The following PLEKHD1 variants were observed in gnomAD, a reference collection of about 807,000 sequenced individuals.
The protein encoded by PLEKHD1 is pleckstrin homology and coiled-coil domain containing D1, also known as pleckstrin homology domain-containing family D member 1.
Under a neutral mutation model 69.2 loss-of-function variants are expected in PLEKHD1, and 51 were observed. That is an observed-to-expected ratio of 0.74 (90% CI 0.59 to 0.93). PLEKHD1 has a LOEUF of 0.93. Ranked by LOEUF, PLEKHD1 falls within the 40% of genes least tolerant of loss-of-function variation. The pLI is 0.00. For missense variants in PLEKHD1, 584 were observed against 641.0 expected, an observed-to-expected ratio of 0.91 and a Z score of 0.96; for synonymous variants, 236 against 244.7, an observed-to-expected ratio of 0.96 and a Z score of 0.33.
At position 69,484,728 on chromosome 14, in the gene PLEKHD1, G is replaced by C; in HGVS notation, c.-238G>C. The C allele has an allele frequency of 1.3e-5, 6 of 455,768 alleles. No individual in the cohort carries two copies. The highest frequency in any genetic ancestry group is 1.9e-5 in the Non-Finnish European group (5 of 257,302). The allele number at this position is 455,768 out of a possible 1,614,324, so 28.2% of individuals were successfully genotyped here. A position where few individuals can be genotyped will look rare whatever the true frequency, so the allele number is the denominator to read the frequency against. On this transcript the variant is annotated 5_prime_UTR_variant, in exon 1 of 13. Transcript: ENST00000322564. ...CCCGAGGCTGAGCCACCCTCCCCGC[G>C]GAGTTCCCGCCCGGCCCTCTGCAAT... is the stretch of plus-strand genomic sequence containing the variant.
chr14:69,526,391 G>A (rs1445327309), intron 9 of PLEKHD1, among the ~76,000 whole-genome samples: 2 of 152,330 alleles, frequency 1.3e-5, no homozygotes, highest in Non-Finnish European at 2.9e-5. Flanking sequence ...GGCTGGGCAA[G>A]TTTTTAAGCC....
At chr14:69,484,695 G>A (rs945261725), upstream of PLEKHD1, 106 of 370,350 alleles carry the variant, frequency 2.9e-4, no homozygotes, top group Non-Finnish European at 4.6e-4. Flanking sequence ...GGGAGGAGAT[G>A]CTGCCGGCCC....
In PLEKHD1 at chr14:69,522,306, G is replaced by A; in HGVS notation, c.579G>A (p.Val193=). Reference sequence around the variant, plus strand: ...AGGAGCTTGAGCGCCTTAACCAGGTGCTGGAGGCCGAGAAGCAGCAGTTCG... The same window carrying A: ...AGGAGCTTGAGCGCCTTAACCAGGTACTGGAGGCCGAGAAGCAGCAGTTCG... ...QREELERLNQ[V]LEAEKQQFEE... Residue 193 remains valine (V), a synonymous_variant, in exon 7 of 13, where the codon GTG becomes GTA. Transcript: ENST00000322564. 1 of 1,551,582 alleles carries A rather than the reference G, an allele frequency of 6.4e-7. No individual in the cohort carries two copies. The highest frequency in any genetic ancestry group is 1.2e-5 in the South Asian group (1 of 84,060).
chr14:69,504,739 T>C (rs1883113509), intron 6 of PLEKHD1, among the ~76,000 whole-genome samples: 1 of 152,200 alleles, frequency 6.6e-6, no homozygotes, highest in Non-Finnish European at 1.5e-5. Flanking sequence ...GGGATTTGTA[T>C]TTGGATGGCA....
At chr14:69,488,515 C>T (rs1882702784) in intron 1 of PLEKHD1, among the ~76,000 whole-genome samples, 1 of 152,096 alleles carries the variant, frequency 6.6e-6, no homozygotes, top group Admixed American at 6.6e-5. Context: ...TGTAACATTT[C>T]CTCTGTGGAG....
At chr14:69,471,136 T>G in the PLEKHD1 span, among the ~76,000 whole-genome samples, 3 of 129,792 alleles carry the variant, frequency 2.3e-5, no homozygotes, top group African/African-American at 9.0e-5. Flanking sequence ...AGACAGGGTC[T>G]TGCTCTGTTC....
At chr14:69,479,532 C>T in the PLEKHD1 span, among the ~76,000 whole-genome samples, 1 of 152,210 alleles carries the variant, frequency 6.6e-6, no homozygotes, top group East Asian at 1.9e-4. Flanking sequence ...ATGAGCCAGG[C>T]ATGGTGGTGT....
intron 6 of PLEKHD1, among the ~76,000 whole-genome samples, chr14:69,504,342 G>A (rs1025641607): frequency 6.6e-5 from 10 of 152,046 alleles, no homozygotes; most frequent in African/African-American, 1.9e-4. Context: ...CCTCTCCCAG[G>A]CAAGTCACAG....
upstream of PLEKHD1, among the ~76,000 whole-genome samples, chr14:69,482,915 G>A (rs150328983): frequency 6.8e-6 from 1 of 146,294 alleles, no homozygotes; most frequent in Non-Finnish European, 1.5e-5. Flanking sequence ...AAGAAAGAAA[G>A]AAAAAAAGAA....
rs533972018 is a variant in PLEKHD1 at position 69,527,750 on chromosome 14, G to A, written c.1202-33G>A. On this transcript the variant is annotated intron_variant, in intron 11 of 12. Transcript: ENST00000322564. ...ACTGGCTGGGGGTAAGGATGCAGTC[G>A]GAACCCCACCCTTCCTGGCCCTGCC... is the stretch of plus-strand genomic sequence containing the variant. 78 of 1,550,100 alleles carry A rather than the reference G, an allele frequency of 5.0e-5. No individual in the cohort carries two copies. In the East Asian group the frequency reaches 9.8e-4, roughly 19 times the overall value.
chr14:69,526,761 T>C lies in PLEKHD1; in HGVS notation c.988T>C (p.Ser330Pro). 1 of 1,550,350 alleles carries C rather than the reference T, an allele frequency of 6.5e-7. No individual in the cohort carries two copies. Among genetic ancestry groups the C allele is most frequent in the South Asian group, 1.2e-5 (1 of 83,898 alleles). The part of the protein sequence containing the change: ...EEEREFYSSQ[S>P]QALQNSLQEL... ...GGAGCGTGAGTTCTACTCCAGCCAG[T>C]CCCAGGCACTGCAGAACTCGCTGCA... The change falls in exon 10 of 13, where the codon TCC (serine) becomes CCC (proline). Residue 330 changes from serine (S) to proline (P), a missense_variant. Ser to Pro is a moderately conservative substitution (Grantham distance 74, BLOSUM62 -1). Transcript: ENST00000322564.
rs994017790 is a variant in PLEKHD1, at chr14:69,508,602, C to T, written c.555+5723C>T. 6.6e-5 allele frequency among the ~76,000 whole-genome samples: 10 copies of T among 152,126 alleles called. No homozygotes were observed. In the East Asian group the frequency reaches 1.9e-3, roughly 29 times the overall value. ...GCTAATTTTTTATTTTTTGTTGTTG[C>T]CTGCCACAATCCCTGGTGGACTGAA... On this transcript the variant is annotated intron_variant, in intron 6 of 12. Transcript: ENST00000322564.
At chr14:69,508,118 A>AT (rs1329227311) in intron 6 of PLEKHD1, among the ~76,000 whole-genome samples, 1 of 152,078 alleles carries the variant, frequency 6.6e-6, no homozygotes, top group East Asian at 1.9e-4. Context: ...ATTTTTATTT[A>AT]TTTTTTTAGG....
At chr14:69,505,219 G>T (rs1883124482) in intron 6 of PLEKHD1, among the ~76,000 whole-genome samples, 1 of 152,186 alleles carries the variant, frequency 6.6e-6, no homozygotes, top group African/African-American at 2.4e-5. Flanking sequence ...TTCTGGGCAT[G>T]GAGAGAACTG....
intron 1 of PLEKHD1, among the ~76,000 whole-genome samples, chr14:69,497,386 G>T (rs1401421549): frequency 6.6e-6 from 1 of 152,246 alleles, no homozygotes; most frequent in Non-Finnish European, 1.5e-5. Flanking sequence ...GACTGAAGTG[G>T]GATGGACTTG....
At chr14:69,514,633 T>G (rs1439381321) in intron 6 of PLEKHD1, among the ~76,000 whole-genome samples, 1 of 152,130 alleles carries the variant, frequency 6.6e-6, no homozygotes, top group Admixed American at 6.6e-5. Flanking sequence ...TGCCTTGTGA[T>G]TTTTTGTTGA....
intron 1 of PLEKHD1, among the ~76,000 whole-genome samples, chr14:69,486,067 C>T (rs1882648698): frequency 6.6e-6 from 1 of 152,228 alleles, no homozygotes; most frequent in South Asian, 2.1e-4. Context: ...AGATTCACTA[C>T]TGGTATGGCC....
intron 2 of PLEKHD1, 142 bp downstream of exon 2, chr14:69,500,350 C>T: frequency 1.3e-6 from 1 of 768,894 alleles, no homozygotes; most frequent in Non-Finnish European, 2.1e-6. Flanking sequence ...GGCAAAAGAC[C>T]CCCTGCCCCT....
intron 6 of PLEKHD1, among the ~76,000 whole-genome samples, chr14:69,516,182 A>G (rs529590154): frequency 6.6e-6 from 1 of 152,310 alleles, no homozygotes; most frequent in African/African-American, 2.4e-5. Flanking sequence ...TTACATGCTG[A>G]ACTGGAAACT....
Sources: allele counts gnomAD v4.1 joint callset (sites outside exome capture counted in the v4.1 genomes callset), GRCh38; gene constraint gnomAD v4.1.1; transcripts MANE v1.5; gene names NCBI Gene and HGNC (gene_info 2026-07-23, HGNC 2026-07-21).